The following NBPF26 variants were observed in gnomAD, a reference collection of about 807,000 sequenced individuals.
The protein encoded by NBPF26 is NBPF family member NBPF26.
A neutral mutation model predicts 119.6 loss-of-function variants in NBPF26; 79 were observed. That is an observed-to-expected ratio of 0.66 (90% CI 0.55 to 0.80). The LOEUF (loss-of-function observed/expected upper bound fraction) is 0.80. Among genes scored for constraint, NBPF26 ranks in the 30% least tolerant of loss-of-function variants. The pLI is 0.00. For missense variants in NBPF26, 800 were observed against 1,198.2 expected, an observed-to-expected ratio of 0.67 and a Z score of 4.91; for synonymous variants, 299 against 457.7, an observed-to-expected ratio of 0.65 and a Z score of 4.43.
chr1:120,806,746 G>A (rs1651695124), intron 5 of NBPF26, among the ~76,000 whole-genome samples: 1 of 120,496 alleles, frequency 8.3e-6, no homozygotes, highest in Non-Finnish European at 1.7e-5. Context: ...CAGCAGTGCA[G>A]TGTGCAAAGC....
At chr1:120,778,590 G>T (rs1182345367) in intron 2 of NBPF26, among the ~76,000 whole-genome samples, 3 of 24,364 alleles carry the variant, frequency 1.2e-4, no homozygotes, top group African/African-American at 5.7e-4. Context: ...GTTTTTTTTT[G>T]AATGGCCAAA....
chr1:120,823,995 T>A lies in NBPF26; in HGVS notation c.2661T>A (p.Asp887Glu). ...CCAGGCTCAGCAGAGAGCTGCTGGA[T>A]GAGAAAGGGCCTGAAGTCTTGCAGG... The change falls in exon 18 of 30, where the codon GAT becomes GAA. Residue 887 changes from aspartate (D) to glutamate (E), a missense_variant. Physicochemically the swap from Asp to Glu is conservative, Grantham distance 45. Transcript: ENST00000620612. 9.3e-6 allele frequency: 8 copies of A among 855,928 alleles called. 3 individuals are homozygous for A. Among genetic ancestry groups the A allele is most frequent in the South Asian group, 8.4e-5 (6 of 71,060 alleles). 53.0% of individuals were successfully genotyped at this position (855,928 alleles called of 1,614,324 possible). A position where few individuals can be genotyped will look rare whatever the true frequency, so the allele number is the denominator to read the frequency against.
In NBPF26 at chr1:120,770,343, G is replaced by T. The variant is rs1343676555; in HGVS notation, c.155+6634G>T. Among the ~76,000 whole-genome samples the T allele has an allele frequency of 1.8e-5, 2 of 109,958 alleles. 1 individual carries two copies. The highest frequency in any genetic ancestry group is 3.4e-5 in the Non-Finnish European group (2 of 58,838). The allele number at this position is 109,958 out of a possible 152,430, so 72.1% of individuals were successfully genotyped here. On this transcript the variant is annotated intron_variant, in intron 2 of 29. Coordinates refer to ENST00000620612, the Ensembl canonical transcript of NBPF26. ...CGCCACCACGCCCGGCTAATTTTTTGTATTTTTAGTAGAGACGGGGTTTCA... is the reference window on the plus strand; with the variant it reads ...CGCCACCACGCCCGGCTAATTTTTTTTATTTTTAGTAGAGACGGGGTTTCA...
At chr1:120,840,929 A>G (rs1652509649), downstream of NBPF26, 1 of 332,902 alleles carries the variant, frequency 3.0e-6, no homozygotes, top group East Asian at 4.7e-5. Context: ...ATACCTGCTC[A>G]AGGTCATTGT....
intron 4 of NBPF26, among the ~76,000 whole-genome samples, chr1:120,795,920 A>G (rs1300368818): frequency 0.025 from 495 of 19,582 alleles, 59 homozygotes; most frequent in African/African-American, 0.12. Flanking sequence ...ACATATCAAT[A>G]TGTGTGTGTG....
rs1303079757 is a variant in NBPF26 at position 120,784,996 on chromosome 1, G to T, written c.178G>T (p.Glu60Ter). The change falls in exon 3 of 30, where the codon GAA becomes TAA. Residue 60 changes from glutamate to a stop codon, truncating the protein, a stop_gained. Transcript: ENST00000620612. LOFTEE classifies it high-confidence loss of function. ...CAGATGTCCAGAAGGCTTCTTGGGG[G>T]AATATTGTCAACATCGAGACCCCTG... 5 of 1,421,030 alleles carry T rather than the reference G, an allele frequency of 3.5e-6. No individual in the cohort carries two copies. The highest frequency in any genetic ancestry group is 1.2e-5 in the South Asian group (1 of 82,334). 88.0% of individuals were successfully genotyped at this position (1,421,030 alleles called of 1,614,324 possible).
intron 6 of NBPF26, 91 bp from the exon 7 acceptor site, chr1:120,808,454 G>T (rs1409844972): frequency 9.1e-7 from 1 of 1,102,294 alleles, no homozygotes; most frequent in East Asian, 2.3e-5. Context: ...AGGTCTCCTT[G>T]AGGACATTGT....
chr1:120,730,526 T>G lies in NBPF26; in HGVS notation c.73+6276T>G, dbSNP rs1426370133. Among the ~76,000 whole-genome samples, 3 of 98,290 alleles carry G rather than the reference T, an allele frequency of 3.1e-5. 1 individual carries two copies. Among genetic ancestry groups the G allele is most frequent in the Non-Finnish European group, 5.5e-5 (3 of 54,136 alleles). 64.5% of individuals were successfully genotyped at this position (98,290 alleles called of 152,430 possible). A position where few individuals can be genotyped will look rare whatever the true frequency, so the allele number is the denominator to read the frequency against. On this transcript the variant is annotated intron_variant, in intron 1 of 29. Transcript: ENST00000620612. ...GATCTGAAAGGATATGCTCATAGGC[T>G]TGAGACGGGACAAACTGCATCACTG...
chr1:120,823,315 G>A lies in NBPF26; in HGVS notation c.2594G>A (p.Arg865Gln), dbSNP rs1553272241. Residue 865 changes from arginine (R) to glutamine (Q), a missense_variant, in exon 17 of 30, where the codon CGG becomes CAG. Transcript: ENST00000620612. ...CATCTGAATTTATTTGCAGGACATC[G>A]GTGGGATCAAGTGAAAAAGGAGGAC... 9 of 1,400,272 alleles carry A rather than the reference G, an allele frequency of 6.4e-6. 2 individuals carry two copies. Among genetic ancestry groups the A allele is most frequent in the East Asian group, 4.6e-5 (2 of 43,574 alleles). 86.7% of individuals were successfully genotyped at this position (1,400,272 alleles called of 1,614,324 possible).
intron 17 of NBPF26, 66 bp from the exon 18 acceptor site, chr1:120,823,908 T>C: frequency 2.1e-6 from 1 of 479,786 alleles, no homozygotes; most frequent in East Asian, 3.2e-5. Flanking sequence ...AGCCATGAAA[T>C]CTAGCTGGGG....
Position 120,793,505 on chromosome 1 carries a change from C to G in NBPF26, c.751+9C>G. The G allele has an allele frequency of 8.3e-6, 10 of 1,206,524 alleles. 2 individuals carry two copies. The highest frequency in any genetic ancestry group is 1.0e-5 in the Non-Finnish European group (9 of 871,418). The allele number at this position is 1,206,524 out of a possible 1,614,324, so 74.7% of individuals were successfully genotyped here. A position where few individuals can be genotyped will look rare whatever the true frequency, so the allele number is the denominator to read the frequency against. On this transcript the variant is annotated intron_variant, in intron 4 of 29. Transcript: ENST00000620612. ...GTGCAACTGCCTTCCAGGTAAGGAG[C>G]TCCCTAGTGTCCCAGGATTAGGGGA...
rs1329202014 is a variant in NBPF26, at chr1:120,790,743, G to T, written c.416-2418G>T. ...GCCTCCCAGGTAGCTGGGATTACAG[G>T]TATGCGCTATGAAGCCCGGCTAATT... On this transcript the variant is annotated intron_variant, in intron 3 of 29. Transcript: ENST00000620612. Among the ~76,000 whole-genome samples the T allele has an allele frequency of 1.1e-4, 12 of 110,834 alleles. 3 individuals are homozygous for T. Among genetic ancestry groups the T allele is most frequent in the Admixed American group, 1.8e-4 (2 of 11,366 alleles). The allele number at this position is 110,834 out of a possible 152,430, so 72.7% of individuals were successfully genotyped here.
rs1160951883 is a variant in NBPF26, at chr1:120,779,549, G to T, written c.156-5425G>T. 7.2e-4 allele frequency among the ~76,000 whole-genome samples: 87 copies of T among 120,878 alleles called. 6 individuals are homozygous for T. The highest frequency in any genetic ancestry group is 3.0e-3 in the African/African-American group (79 of 26,682). The allele number at this position is 120,878 out of a possible 152,430, so 79.3% of individuals were successfully genotyped here. On this transcript the variant is annotated intron_variant, in intron 2 of 29. Transcript: ENST00000620612. ...AAAATAATTAATAAACTCCCTACAG[G>T]AGGGAAACATTCATATAGTTTTGCG...
rs1249363065 is a variant in NBPF26 at position 120,805,610 on chromosome 1, A to G, written c.806A>G (p.His269Arg). 108 of 1,462,820 alleles carry G rather than the reference A, an allele frequency of 7.4e-5. 15 individuals are homozygous for G. Among genetic ancestry groups the G allele is most frequent in the Non-Finnish European group, 9.9e-5 (107 of 1,081,670 alleles). 90.6% of individuals were successfully genotyped at this position (1,462,820 alleles called of 1,614,324 possible). Reference sequence around the variant, plus strand: ...GTCAGCATGGTGGTATCAGCCGGCCATTGGTCCAGTGAGAAGGCAGAGATG... The same window carrying G: ...GTCAGCATGGTGGTATCAGCCGGCCGTTGGTCCAGTGAGAAGGCAGAGATG... Residue 269 changes from histidine (H) to arginine (R), a missense_variant, in exon 5 of 30, where the codon CAT becomes CGT. Physicochemically the swap from His to Arg is conservative, Grantham distance 29. Transcript: ENST00000620612.
In NBPF26 at chr1:120,734,412, T is replaced by C. The variant is rs1167881332; in HGVS notation, c.73+10162T>C. On this transcript the variant is annotated intron_variant, in intron 1 of 29. Coordinates refer to ENST00000620612, the Ensembl canonical transcript of NBPF26. Reference sequence around the variant, plus strand: ...TGAAGGATTACAATATTTTCTTTTTTTTTTTTTTAATGGTGTAGTTCAGAA... The same window carrying C: ...TGAAGGATTACAATATTTTCTTTTTCTTTTTTTTAATGGTGTAGTTCAGAA... 4.3e-5 allele frequency among the ~76,000 whole-genome samples: 4 copies of C among 92,566 alleles called. 2 individuals are homozygous for C. The highest frequency in any genetic ancestry group is 2.6e-4 in the African/African-American group (4 of 15,458). The allele number at this position is 92,566 out of a possible 152,430, so 60.7% of individuals were successfully genotyped here.
intron 10 of NBPF26, among the ~76,000 whole-genome samples, chr1:120,812,957 T>TAATAAA (rs1166315973): frequency 1.8e-5 from 2 of 113,394 alleles, no homozygotes; most frequent in South Asian, 2.5e-4. Flanking sequence ...ATAATAATAA[T>TAATAAA]AAATAAAAAT....
intron 5 of NBPF26, among the ~76,000 whole-genome samples, chr1:120,806,978 G>T (rs1161917563): frequency 0.02 from 2,231 of 109,398 alleles, 750 homozygotes; most frequent in African/African-American, 0.11. Flanking sequence ...CACTAACTAA[G>T]CTTATGCTGT....
chr1:120,832,404 A>T (rs1474241020), intron 22 of NBPF26, among the ~76,000 whole-genome samples: 2 of 102,710 alleles, frequency 1.9e-5, no homozygotes, highest in Admixed American at 1.8e-4. Context: ...TGTTCTCATG[A>T]CATTGGACCT....
At chr1:120,752,549 TATA>T (rs1651031236) in intron 1 of NBPF26, among the ~76,000 whole-genome samples, 10 of 18,354 alleles carry the variant, frequency 5.4e-4, no homozygotes, top group Non-Finnish European at 7.1e-4. Flanking sequence ...TATATATATA[TATA>T]TATTTTTTTT....
Sources: gnomAD v4.1 joint callset for allele counts (sites outside exome capture counted in the v4.1 genomes callset) on GRCh38, gnomAD v4.1.1 for gene constraint, MANE v1.5 for transcripts, NCBI Gene and HGNC (gene_info 2026-07-23, HGNC 2026-07-21) for gene names.